The following GLI2 variants were observed in gnomAD, a reference collection of about 807,000 sequenced individuals.
GLI2 encodes the protein transcription activator GLI2.
Under a neutral mutation model 78.9 loss-of-function variants are expected in GLI2, and 22 were observed. The observed-to-expected ratio is 0.28, with a 90% CI of 0.20 to 0.40. The LOEUF (loss-of-function observed/expected upper bound fraction) is 0.40, where lower values mean the gene tolerates loss of function less well. Among genes scored for constraint, GLI2 ranks in the 10% least tolerant of loss-of-function variants. The probability of loss-of-function intolerance (pLI) is 1.00; values close to 1 mark genes in which losing one functional copy is unlikely to be tolerated. For synonymous variants in GLI2, 974 were observed against 963.7 expected, an observed-to-expected ratio of 1.01 and a Z score of -0.20; for missense variants, 2,097 against 2,213.2, an observed-to-expected ratio of 0.95 and a Z score of 1.05.
intron 5 of GLI2, among the ~76,000 whole-genome samples, chr2:120,964,466 C>T (rs1010088154): frequency 2.0e-5 from 3 of 152,188 alleles, no homozygotes; most frequent in Non-Finnish European, 2.9e-5. Context: ...TAGCTGAGGG[C>T]CCCAGAATGA....
chr2:120,735,900 A>C lies in GLI2; in HGVS notation c.-416A>C, dbSNP rs1682332460. 6.6e-6 allele frequency among the ~76,000 whole-genome samples: 1 copy of C among 151,876 alleles called. No homozygotes were observed. Among genetic ancestry groups the C allele is most frequent in the African/African-American group, 2.4e-5 (1 of 41,354 alleles). On this transcript the variant is annotated 5_prime_UTR_variant, in exon 1 of 14. Transcript: ENST00000361492. ...GATTGCAGAAGTGCCGGCGCTTGCC[A>C]GCCGAGGCAGCACGGCTCCGCGGAC...
chr2:120,903,355 C>CA (rs35010304), intron 2 of GLI2, among the ~76,000 whole-genome samples: 2,343 of 147,930 alleles, frequency 0.016, 60 homozygotes, highest in African/African-American at 0.054. Flanking sequence ...GACTCCATCT[C>CA]AAAAAAAAAA....
intron 2 of GLI2, among the ~76,000 whole-genome samples, chr2:120,891,118 A>G (rs1677658759): frequency 6.6e-6 from 1 of 152,184 alleles, no homozygotes. Context: ...CAGGGAGCTG[A>G]TGGCTGGTGG....
chr2:120,827,320 G>A (rs929729341), intron 2 of GLI2, among the ~76,000 whole-genome samples: 3 of 152,206 alleles, frequency 2.0e-5, no homozygotes, highest in African/African-American at 7.2e-5. Context: ...TGAAGAGTCA[G>A]TGGGGATTCA....
chr2:120,871,239 A>C (rs140450383), intron 2 of GLI2, among the ~76,000 whole-genome samples: 1 of 152,208 alleles, frequency 6.6e-6, no homozygotes, highest in Non-Finnish European at 1.5e-5. Context: ...TGTCCATAGG[A>C]GCCTCTTTAT....
intron 7 of GLI2, among the ~76,000 whole-genome samples, chr2:120,971,073 A>G (rs1682143975): frequency 6.6e-6 from 1 of 152,234 alleles, no homozygotes; most frequent in South Asian, 2.1e-4. Flanking sequence ...TATTTGGCAA[A>G]TGAAGTGTTC....
At chr2:120,963,793 G>C (rs756816322) in intron 5 of GLI2, among the ~76,000 whole-genome samples, 1 of 152,248 alleles carries the variant, frequency 6.6e-6, no homozygotes, top group South Asian at 2.1e-4. Flanking sequence ...GTCCTGTTTT[G>C]TCTTCTGTAA....
In GLI2 at chr2:120,890,877, G is replaced by A. The variant is rs570467968; in HGVS notation, c.149-36484G>A. On this transcript the variant is annotated intron_variant, in intron 2 of 13. Coordinates refer to ENST00000361492, the MANE Select transcript of GLI2 (RefSeq NM_001374353.1). ...CCCAAAGCTTGGCTTCGTGAAGCTG[G>A]TACCCAGGTAGTGGGGAGGAGAGAG... is the stretch of plus-strand genomic sequence containing the variant. Among the ~76,000 whole-genome samples the A allele has an allele frequency of 3.9e-5, 6 of 152,300 alleles. No homozygotes were observed. The East Asian group carries it at 1.2e-3, about 29-fold the overall frequency.
intron 2 of GLI2, among the ~76,000 whole-genome samples, chr2:120,823,673 A>C (rs1242431742): frequency 6.6e-6 from 1 of 152,124 alleles, no homozygotes; most frequent in East Asian, 1.9e-4. Flanking sequence ...TGATTCTCTT[A>C]TGGGAAGATC....
Position 120,822,056 on chromosome 2 carries a change from G to A in GLI2, c.148+24588G>A, listed in dbSNP as rs60032249. On this transcript the variant is annotated intron_variant, in intron 2 of 13. Coordinates refer to ENST00000361492, the MANE Select transcript of GLI2 (RefSeq NM_001374353.1). ...GAGGCTGTGGTGGCTAAGACCGGGC[G>A]GTGGGCCGAGTTCATGTTCCTGCTA... Among the ~76,000 whole-genome samples the A allele has an allele frequency of 7.0e-3, 1,065 of 152,348 alleles. 15 individuals are homozygous for A. The highest frequency in any genetic ancestry group is 0.025 in the African/African-American group (1,019 of 41,582).
Position 120,982,749 on chromosome 2 carries a change from G to A in GLI2, c.1501G>A (p.Glu501Lys). Residue 501 changes from glutamate to lysine, a missense_variant, in exon 11 of 14, where the codon GAG (glutamate) becomes AAG (lysine). Glu to Lys is a moderately conservative substitution (Grantham distance 56). Transcript: ENST00000361492. ...EGCSKAYSRL[E>K]NLKTHLRSHT... is the part of the protein sequence containing the mutation. ...CTGCTCGAAGGCCTACTCCCGCCTGGAGAACCTGAAGACACACCTGCGGTC... is the reference window on the plus strand; with the variant it reads ...CTGCTCGAAGGCCTACTCCCGCCTGAAGAACCTGAAGACACACCTGCGGTC... 6.2e-7 allele frequency: 1 copy of A among 1,613,884 alleles called. No homozygotes were observed. Among genetic ancestry groups the A allele is most frequent in the Non-Finnish European group, 8.5e-7 (1 of 1,179,850 alleles).
intron 4 of GLI2, among the ~76,000 whole-genome samples, chr2:120,953,589 G>A (rs1264737676): frequency 6.6e-6 from 1 of 152,214 alleles, no homozygotes; most frequent in Non-Finnish European, 1.5e-5. Context: ...CAGGGCCAGG[G>A]CCAGAGGGCC....
At chr2:120,855,232 G>A (rs867855808) in intron 2 of GLI2, among the ~76,000 whole-genome samples, 2 of 152,218 alleles carry the variant, frequency 1.3e-5, no homozygotes, top group South Asian at 4.1e-4. Context: ...ATGGTCCCTG[G>A]GAGGTCCCAG....
intron 2 of GLI2, among the ~76,000 whole-genome samples, chr2:120,799,482 T>C (rs1039175715): frequency 6.6e-6 from 1 of 152,208 alleles, no homozygotes; most frequent in Non-Finnish European, 1.5e-5. Flanking sequence ...CCTGCACCTG[T>C]CTCTGAGCAG....
intron 2 of GLI2, among the ~76,000 whole-genome samples, chr2:120,891,372 C>G (rs1365535112): frequency 6.6e-6 from 1 of 152,158 alleles, no homozygotes; most frequent in African/African-American, 2.4e-5. Flanking sequence ...TGAATTTGGT[C>G]TCTGTTTAAC....
intron 9 of GLI2, among the ~76,000 whole-genome samples, chr2:120,975,392 G>A (rs1682407388): frequency 6.6e-6 from 1 of 152,164 alleles, no homozygotes; most frequent in South Asian, 2.1e-4. Context: ...CAGGAATAGA[G>A]TTAGTATTAA....
chr2:120,950,441 G>T (rs1680920634), intron 3 of GLI2, among the ~76,000 whole-genome samples: 2 of 152,078 alleles, frequency 1.3e-5, no homozygotes, highest in African/African-American at 4.8e-5. Context: ...AGGTCAGCAG[G>T]CCTGACATAA....
intron 2 of GLI2, among the ~76,000 whole-genome samples, chr2:120,880,551 G>C (rs1330546194): frequency 6.6e-6 from 1 of 152,052 alleles, no homozygotes; most frequent in Non-Finnish European, 1.5e-5. Context: ...GGGAAACCAG[G>C]TCACATCTGT....
chr2:120,773,701 G>A (rs1573364198), intron 1 of GLI2, among the ~76,000 whole-genome samples: 1 of 152,288 alleles, frequency 6.6e-6, no homozygotes, highest in Admixed American at 6.5e-5. Context: ...AGAACTGCAT[G>A]TGCATAGTCG....
Sources: gnomAD v4.1 joint callset for allele counts (sites outside exome capture counted in the v4.1 genomes callset) on GRCh38, gnomAD v4.1.1 for gene constraint, MANE v1.5 for transcripts, NCBI Gene and HGNC (gene_info 2026-07-23, HGNC 2026-07-21) for gene names.